Variants in USP40 observed in about 807,000 individuals in gnomAD.
USP40 encodes ubiquitin carboxyl-terminal hydrolase 40.
USP40 carries 143 observed loss-of-function variants against 166.2 expected under a neutral mutation model. That is an observed-to-expected ratio of 0.86 (90% CI 0.75 to 0.99). The LOEUF (loss-of-function observed/expected upper bound fraction) is 0.99. USP40 is among the 50% of genes least tolerant of loss of function. USP40 has a pLI of 0.00. For missense variants in USP40, 1,444 were observed against 1,479.7 expected, an observed-to-expected ratio of 0.98 and a Z score of 0.40; for synonymous variants, 498 against 524.0, an observed-to-expected ratio of 0.95 and a Z score of 0.68.
At chr2:233,477,601 C>T in intron 31 of USP40, 98 bp from the exon 32 acceptor site, 4 of 1,025,714 alleles carry the variant, frequency 3.9e-6, no homozygotes, top group South Asian at 1.4e-5. Flanking sequence ...TTTTATAGGC[C>T]ACAAGGACGT....
chr2:233,520,178 C>T (rs2067554399), intron 17 of USP40, among the ~76,000 whole-genome samples: 3 of 152,126 alleles, frequency 2.0e-5, no homozygotes, highest in South Asian at 4.2e-4. Flanking sequence ...CTAATTTCCT[C>T]TAGGATACAA....
intron 23 of USP40, among the ~76,000 whole-genome samples, chr2:233,497,386 T>C (rs541216488): frequency 8.5e-5 from 13 of 152,172 alleles, no homozygotes; most frequent in Non-Finnish European, 1.5e-4. Context: ...ATGCATGACA[T>C]TGAAGCAGGG....
chr2:233,484,482 TTTTTTC>T (rs2064821128), intron 30 of USP40, among the ~76,000 whole-genome samples: 1 of 151,854 alleles, frequency 6.6e-6, no homozygotes, highest in African/African-American at 2.4e-5. Flanking sequence ...TCCTTTTTTT[TTTTTTC>T]TTTTTTTTTG....
chr2:233,524,577 C>A lies in USP40; in HGVS notation c.1811-15G>T. The A allele has an allele frequency of 6.4e-7, 1 of 1,568,930 alleles. No individual in the cohort carries two copies. The highest frequency in any genetic ancestry group is 1.2e-5 in the South Asian group (1 of 84,284). On this transcript the variant is annotated splice_polypyrimidine_tract_variant and intron_variant, in intron 14 of 31. Coordinates refer to ENST00000678225, the MANE Select transcript of USP40 (RefSeq NM_001365479.2). Reference sequence around the variant, plus strand: ...CAGTTCATCCCCTAGAAAGAGATCACCAGTGAGACCATTCATCATGACCAT... The same window carrying A: ...CAGTTCATCCCCTAGAAAGAGATCAACAGTGAGACCATTCATCATGACCAT...
chr2:233,559,476 T>C (rs938403603), intron 4 of USP40, among the ~76,000 whole-genome samples: 1 of 152,232 alleles, frequency 6.6e-6, no homozygotes, highest in African/African-American at 2.4e-5. Flanking sequence ...GTTTCCTATA[T>C]AAATGGTAGG....
At chr2:233,538,945 C>T (rs2069143008) in intron 10 of USP40, among the ~76,000 whole-genome samples, 2 of 152,148 alleles carry the variant, frequency 1.3e-5, no homozygotes, top group African/African-American at 4.8e-5. Flanking sequence ...AGGAGGATCA[C>T]GTGGGCCCAG....
At chr2:233,559,550 T>A (rs1262679956) in intron 4 of USP40, among the ~76,000 whole-genome samples, 1 of 152,294 alleles carries the variant, frequency 6.6e-6, no homozygotes, top group South Asian at 2.1e-4. Flanking sequence ...GGGTAGAAAT[T>A]GTAAAAATCA....
In USP40 at chr2:233,527,558, T is replaced by C. The variant is rs1433759153; in HGVS notation, c.1574A>G (p.Asn525Ser). The stretch of plus-strand genomic sequence containing the variant: ...GTGAAGATGCAATTCAAAAGTATTG[T>C]TTGCAGAATCACATTCTGCCCTTTA... Reference protein sequence around the residue: ...QTKRAECDSANNTFELHLHLG... With the variant: ...QTKRAECDSASNTFELHLHLG... The change falls in exon 13 of 32, where the codon AAC becomes AGC. Residue 525 changes from asparagine (N) to serine (S), a missense_variant. By Grantham distance (46) the Asn-to-Ser change is conservative. Coordinates refer to ENST00000678225, the MANE Select transcript of USP40 (RefSeq NM_001365479.2). 1.2e-6 allele frequency: 2 copies of C among 1,610,270 alleles called. No individual in the cohort carries two copies. The highest frequency in any genetic ancestry group is 2.7e-5 in the African/African-American group (2 of 74,740).
intron 3 of USP40, chr2:233,561,207 G>A (rs1296553733): frequency 6.4e-7 from 1 of 1,569,044 alleles, no homozygotes; most frequent in Non-Finnish European, 8.7e-7. Flanking sequence ...AGCTCTTCTG[G>A]GCCAAGAGAA....
chr2:233,511,276 T>C (rs1254027535), intron 20 of USP40, among the ~76,000 whole-genome samples: 2 of 152,186 alleles, frequency 1.3e-5, no homozygotes, highest in African/African-American at 4.8e-5. Flanking sequence ...AGTCTAAAAT[T>C]AATAAACTGT....
rs2064570376 is a variant in USP40, at chr2:233,481,281, T to C, written c.3521A>G (p.Asp1174Gly). ...TCTGATTGTACTGAAATCATCATCG[T>C]CGTCAATCAGGAGATTCTACATTTC... Reference protein sequence around the residue: ...TIGVKNLLIDDDDDFSTIRDD... With the variant: ...TIGVKNLLIDGDDDFSTIRDD... The change falls in exon 31 of 32, where the codon GAC becomes GGC. Residue 1174 changes from aspartate to glycine, a missense_variant. By Grantham distance (94) the Asp-to-Gly change is moderately conservative. Transcript: ENST00000678225. 1 of 1,603,146 alleles carries C rather than the reference T, an allele frequency of 6.2e-7. No homozygotes were observed. The highest frequency in any genetic ancestry group is 8.5e-7 in the Non-Finnish European group (1 of 1,174,302).
Position 233,527,388 on chromosome 2 carries a change from G to A in USP40, c.1725+19C>T, listed in dbSNP as rs373814294. 4.0e-5 allele frequency: 65 copies of A among 1,609,100 alleles called. No individual in the cohort carries two copies. In the African/African-American group the frequency reaches 7.5e-4, roughly 19 times the overall value. ...ATGGTGCTCGATGTCTGAATTAAGA[G>A]GAAGTAAGGCGATATTACCTGAAAT... On this transcript the variant is annotated intron_variant, in intron 13 of 31. Coordinates refer to ENST00000678225, the MANE Select transcript of USP40 (RefSeq NM_001365479.2).
At chr2:233,557,996 C>T (rs2071247155) in intron 4 of USP40, among the ~76,000 whole-genome samples, 1 of 86,406 alleles carries the variant, frequency 1.2e-5, no homozygotes, top group African/African-American at 4.3e-5. Context: ...AGTGAGACCT[C>T]ATCTCAAAAA....
At position 233,476,666 on chromosome 2, in the gene USP40, G is replaced by A. The variant is rs1458856788; in HGVS notation, c.*726C>T. 2.0e-5 allele frequency: 3 copies of A among 153,390 alleles called. No homozygotes were observed. Among genetic ancestry groups the A allele is most frequent in the African/African-American group, 7.2e-5 (3 of 41,468 alleles). 9.5% of individuals were successfully genotyped at this position (153,390 alleles called of 1,614,324 possible). A position where few individuals can be genotyped will look rare whatever the true frequency, so the allele number is the denominator to read the frequency against. On this transcript the variant is annotated 3_prime_UTR_variant, in exon 32 of 32. Coordinates refer to ENST00000678225, the MANE Select transcript of USP40 (RefSeq NM_001365479.2). Reference sequence around the variant, plus strand: ...GCAGCTGCAGTCCTCGGGATCCAAGGACCTTCTGATCACAGAGCACCCAGG... The same window carrying A: ...GCAGCTGCAGTCCTCGGGATCCAAGAACCTTCTGATCACAGAGCACCCAGG...
chr2:233,529,058 A>C lies in USP40; in HGVS notation c.1553+373T>G, dbSNP rs185433476. Among the ~76,000 whole-genome samples the C allele has an allele frequency of 9.1e-4, 139 of 152,324 alleles. No homozygotes were observed. In the Middle Eastern group the frequency reaches 0.01, roughly 11 times the overall value. ...CTCTCTCACTACATGCCAGTTCGCTACAACTACTTACCTATGAGGGGTGAT... is the reference window on the plus strand; with the variant it reads ...CTCTCTCACTACATGCCAGTTCGCTCCAACTACTTACCTATGAGGGGTGAT... On this transcript the variant is annotated intron_variant, in intron 12 of 31. Transcript: ENST00000678225.
At position 233,494,980 on chromosome 2, in the gene USP40, ACACACAC is replaced by A. The variant is rs1368371409; in HGVS notation, c.2791-1436_2791-1430del. On this transcript the variant is annotated intron_variant, in intron 24 of 31. Coordinates refer to ENST00000678225, the MANE Select transcript of USP40 (RefSeq NM_001365479.2). ...TTTATATATATATATATATATATAT[ACACACAC>A]ATAAAAAATAAATAAATAAATAAAT... Among the ~76,000 whole-genome samples, 5 of 104,230 alleles carry A rather than the reference ACACACAC, an allele frequency of 4.8e-5. 1 individual carries two copies. Among genetic ancestry groups the A allele is most frequent in the African/African-American group, 2.3e-4 (5 of 22,020 alleles). 68.4% of individuals were successfully genotyped at this position (104,230 alleles called of 152,430 possible). A position where few individuals can be genotyped will look rare whatever the true frequency, so the allele number is the denominator to read the frequency against.
intron 18 of USP40, 97 bp from the exon 19 acceptor site, chr2:233,512,719 CA>C: frequency 1.8e-6 from 1 of 570,428 alleles, no homozygotes; most frequent in Non-Finnish European, 2.8e-6. Flanking sequence ...CAGCATCAAA[CA>C]CAGAAAACAA....
At chr2:233,524,415 C>G (rs913456550) in intron 15 of USP40, 77 bp downstream of exon 15, 7 of 1,287,056 alleles carry the variant, frequency 5.4e-6, no homozygotes, top group Non-Finnish European at 5.4e-6. Context: ...CAGGCATGAG[C>G]CACCATGCCC....
chr2:233,497,231 C>A (rs941817067), intron 23 of USP40, among the ~76,000 whole-genome samples: 1 of 152,194 alleles, frequency 6.6e-6, no homozygotes, highest in Non-Finnish European at 1.5e-5. Flanking sequence ...TTTGGTAAAG[C>A]GCTAAAGCCA....
Sources: gnomAD v4.1 joint callset for allele counts (sites outside exome capture counted in the v4.1 genomes callset) on GRCh38, gnomAD v4.1.1 for gene constraint, MANE v1.5 for transcripts, NCBI Gene and HGNC (gene_info 2026-07-23, HGNC 2026-07-21) for gene names.